The following SLC27A2 variants were observed in gnomAD, a reference collection of about 807,000 sequenced individuals.
SLC27A2 encodes long-chain fatty acid transport protein 2.
In SLC27A2, 54 loss-of-function variants were observed where a neutral mutation model predicts 60.0. That is an observed-to-expected ratio of 0.90 (90% CI 0.72 to 1.13). SLC27A2 has a LOEUF of 1.13. Ranked by LOEUF, SLC27A2 falls within the 50% of genes most tolerant of loss-of-function variation. The pLI, the probability that SLC27A2 is intolerant of heterozygous loss-of-function variation, is 0.00. For missense variants in SLC27A2, 739 were observed against 777.6 expected (o/e 0.95, Z 0.59); for synonymous variants, 297 against 297.6 (o/e 1.00, Z 0.02).
chr15:50,193,719 T>C (rs1310186032), intron 1 of SLC27A2, among the ~76,000 whole-genome samples: 1 of 152,244 alleles, frequency 6.6e-6, no homozygotes, highest in African/African-American at 2.4e-5. Flanking sequence ...CCTCTGTGTC[T>C]TCCACACTAA....
At chr15:50,182,945 C>G (rs2044878718) in intron 1 of SLC27A2, 40 bp downstream of exon 1, 1 of 1,552,608 alleles carries the variant, frequency 6.4e-7, no homozygotes, top group Non-Finnish European at 8.7e-7. Context: ...ACCAGGGCTT[C>G]TCGGCGCCTT....
At chr15:50,205,491 T>C in intron 4 of SLC27A2, 128 bp downstream of exon 4, 4 of 937,116 alleles carry the variant, frequency 4.3e-6, no homozygotes, top group East Asian at 2.7e-5. Flanking sequence ...ATTATCATGA[T>C]AAAGTACTTG....
intron 1 of SLC27A2, among the ~76,000 whole-genome samples, chr15:50,192,081 GA>G (rs992027116): frequency 6.6e-5 from 10 of 150,648 alleles, no homozygotes; most frequent in African/African-American, 2.4e-4. Context: ...AAAGAAAAAA[GA>G]AAATATGTAG....
chr15:50,198,816 T>C (rs1157449606), intron 2 of SLC27A2, among the ~76,000 whole-genome samples: 2 of 152,086 alleles, frequency 1.3e-5, no homozygotes, highest in African/African-American at 4.8e-5. Flanking sequence ...CAGGATAAAA[T>C]TTCCTTGAGC....
intron 1 of SLC27A2, 29 bp downstream of exon 1, chr15:50,182,934 C>A (rs774374826): frequency 1.3e-6 from 2 of 1,566,566 alleles, no homozygotes; most frequent in South Asian, 1.2e-5. Flanking sequence ...CCTGCCCTGG[C>A]ACCAGGGCTT....
rs1433939989 is a variant in SLC27A2 at position 50,236,222 on chromosome 15, A to G, written c.*126A>G. The stretch of plus-strand genomic sequence containing the variant: ...TTGTAGGAAATTTGCATACCCGTAA[A>G]GGGAGACTTTTTTAAATAACAGTTG... On this transcript the variant is annotated 3_prime_UTR_variant, in exon 10 of 10. Transcript: ENST00000267842. The G allele has an allele frequency of 7.2e-6, 5 of 689,766 alleles. No homozygotes were observed. The highest frequency in any genetic ancestry group is 1.1e-5 in the Non-Finnish European group (5 of 441,058). 42.7% of individuals were successfully genotyped at this position (689,766 alleles called of 1,614,324 possible).
rs182421645 is a variant in SLC27A2, at chr15:50,186,397, C to T, written c.478+3492C>T. 3.3e-5 allele frequency among the ~76,000 whole-genome samples: 5 copies of T among 151,594 alleles called. No individual in the cohort carries two copies. The East Asian group carries it at 9.8e-4, about 30-fold the overall frequency. On this transcript the variant is annotated intron_variant, in intron 1 of 9. Transcript: ENST00000267842. ...GGTCTGAGGACTAGGCTTTGAGAAA[C>T]AGTCTAGTTTCCCATTGTTTTTCAT...
At chr15:50,198,424 T>A (rs1215743762) in intron 2 of SLC27A2, 1 of 151,954 alleles carries the variant, frequency 6.6e-6, no homozygotes, top group Non-Finnish European at 1.5e-5. Context: ...CGGTACTCTT[T>A]TTACTTCCAT....
At chr15:50,192,077 A>AG (rs1453657040) in intron 1 of SLC27A2, among the ~76,000 whole-genome samples, 7 of 152,154 alleles carry the variant, frequency 4.6e-5, no homozygotes, top group African/African-American at 1.7e-4. Flanking sequence ...AAAAAAAGAA[A>AG]AAAGAAAATA....
At chr15:50,187,599 C>A (rs949736772) in intron 1 of SLC27A2, among the ~76,000 whole-genome samples, 1 of 152,096 alleles carries the variant, frequency 6.6e-6, no homozygotes, top group African/African-American at 2.4e-5. Flanking sequence ...CACAGCCATG[C>A]GAGGCTCCCA....
At chr15:50,193,974 C>T (rs751845850) in intron 1 of SLC27A2, among the ~76,000 whole-genome samples, 6 of 152,046 alleles carry the variant, frequency 3.9e-5, no homozygotes, top group Non-Finnish European at 5.9e-5. Context: ...GCCTGGGCAA[C>T]GTAGCGGGAC....
chr15:50,224,074 T>TA (rs1224173758), intron 5 of SLC27A2, among the ~76,000 whole-genome samples: 3 of 152,166 alleles, frequency 2.0e-5, no homozygotes. Context: ...TCATCATCTG[T>TA]AAAACAGAGA....
At chr15:50,214,645 G>A (rs1440074625) in intron 4 of SLC27A2, among the ~76,000 whole-genome samples, 5 of 152,268 alleles carry the variant, frequency 3.3e-5, no homozygotes, top group African/African-American at 1.2e-4. Flanking sequence ...TCATGCCAGG[G>A]ATGCAGGGAT....
At chr15:50,222,367 T>G (rs1417012583) in intron 4 of SLC27A2, among the ~76,000 whole-genome samples, 1 of 152,210 alleles carries the variant, frequency 6.6e-6, no homozygotes, top group East Asian at 1.9e-4. Flanking sequence ...TCCCTGCAGT[T>G]CCCACAGGAT....
chr15:50,205,131 A>G, intron 3 of SLC27A2, 108 bp from the exon 4 acceptor site: 1 of 1,356,840 alleles, frequency 7.4e-7, no homozygotes, highest in Non-Finnish European at 1.0e-6. Context: ...TTGTTTGCAA[A>G]TATAATTTAT....
intron 4 of SLC27A2, among the ~76,000 whole-genome samples, chr15:50,210,851 G>A (rs1234166561): frequency 6.6e-6 from 1 of 152,184 alleles, no homozygotes; most frequent in Non-Finnish European, 1.5e-5. Context: ...GGTGAGGCCT[G>A]TGACTGCCAA....
chr15:50,195,945 C>T (rs2045012061), intron 1 of SLC27A2, among the ~76,000 whole-genome samples: 1 of 145,934 alleles, frequency 6.9e-6, no homozygotes. Context: ...GTCCCAGCTA[C>T]CGGGAGGCTG....
intron 5 of SLC27A2, among the ~76,000 whole-genome samples, chr15:50,223,772 C>T (rs72737070): frequency 0.031 from 4,735 of 152,292 alleles, 110 homozygotes; most frequent in Middle Eastern, 0.054. Flanking sequence ...GTCAGTCTTC[C>T]AGATAACCAA....
chr15:50,226,439 A>G (rs1422917186), intron 6 of SLC27A2, among the ~76,000 whole-genome samples: 2 of 152,330 alleles, frequency 1.3e-5, no homozygotes, highest in East Asian at 3.9e-4. Context: ...ATTAGCAGTA[A>G]AAGAATTACA....
Sources: allele counts gnomAD v4.1 joint callset (sites outside exome capture counted in the v4.1 genomes callset), GRCh38; gene constraint gnomAD v4.1.1; transcripts MANE v1.5; gene names NCBI Gene and HGNC (gene_info 2026-07-23, HGNC 2026-07-21).